PCDHGB6: variants seen among roughly 807,000 people sequenced by gnomAD.
PCDHGB6 encodes protocadherin gamma subfamily B, 6.
PCDHGB6 carries 51 observed loss-of-function variants against 59.1 expected under a neutral mutation model. The ratio of observed to expected loss-of-function variants is 0.86; its 90% confidence interval spans 0.69 to 1.09. The LOEUF (loss-of-function observed/expected upper bound fraction) is 1.09. Among genes scored for constraint, PCDHGB6 ranks in the 50% least tolerant of loss-of-function variants. The probability of loss-of-function intolerance (pLI) is 0.00; values close to 1 mark genes in which losing one functional copy is unlikely to be tolerated. For synonymous variants in PCDHGB6, 466 were observed against 495.1 expected, an observed-to-expected ratio of 0.94 and a Z score of 0.78; for missense variants, 1,148 against 1,205.1, an observed-to-expected ratio of 0.95 and a Z score of 0.70.
chr5:141,414,457 G>A (rs1319960665), intron 1 of PCDHGB6: 7 of 1,613,872 alleles, frequency 4.3e-6, no homozygotes, highest in Non-Finnish European at 5.9e-6. Flanking sequence ...CACAGTGACA[G>A]CCACAGATGG....
At chr5:141,441,742 T>C in intron 1 of PCDHGB6, 1 of 367,312 alleles carries the variant, frequency 2.7e-6, no homozygotes, top group Non-Finnish European at 5.4e-6. Context: ...TAGCTCGCGC[T>C]CGGCGTCAAC....
chr5:141,408,559 C>T lies in PCDHGB6; in HGVS notation c.357C>T (p.Val119=), dbSNP rs1490844526. The change falls in exon 1 of 4, where the codon GTC becomes GTT. Residue 119 remains valine (V), a synonymous_variant. Coordinates refer to ENST00000520790, the MANE Select transcript of PCDHGB6 (RefSeq NM_018926.3). ...VVENPLNIFH[V]IVVIEDVNDH... ...AAAATCCTTTAAATATTTTTCATGT[C>T]ATTGTGGTGATTGAGGATGTTAATG... The T allele has an allele frequency of 1.9e-6, 3 of 1,614,000 alleles. No individual in the cohort carries two copies. The highest frequency in any genetic ancestry group is 2.5e-6 in the Non-Finnish European group (3 of 1,179,894).
At chr5:141,468,737 G>A (rs1288031024) in intron 1 of PCDHGB6, among the ~76,000 whole-genome samples, 1 of 151,948 alleles carries the variant, frequency 6.6e-6, no homozygotes, top group African/African-American at 2.4e-5. Context: ...GTGGTGGCGG[G>A]TGCCTGTAGT....
intron 3 of PCDHGB6, chr5:141,508,084 T>A (rs1422530110): frequency 6.6e-6 from 1 of 152,432 alleles, no homozygotes; most frequent in East Asian, 1.9e-4. Flanking sequence ...CTGGAGTTGC[T>A]GCCTTGGCCC....
At chr5:141,415,750 T>TTTG in intron 1 of PCDHGB6, 2 of 1,313,212 alleles carry the variant, frequency 1.5e-6, no homozygotes, top group African/African-American at 1.6e-5. Context: ...GTTTTTTTTT[T>TTTG]TTTTTTTTTT....
chr5:141,422,508 C>T (rs2096653251), intron 1 of PCDHGB6: 1 of 1,613,984 alleles, frequency 6.2e-7, no homozygotes, highest in Non-Finnish European at 8.5e-7. Flanking sequence ...CAGCCACAGA[C>T]CAGGGAAGCC....
At chr5:141,494,648 T>G in intron 1 of PCDHGB6, 159 bp from the exon 2 acceptor site, 1 of 946,506 alleles carries the variant, frequency 1.1e-6, no homozygotes, top group Non-Finnish European at 1.3e-6. Flanking sequence ...ACCTGAGGTG[T>G]ATTTTGTCTT....
chr5:141,498,002 C>T (rs1442305270), intron 2 of PCDHGB6, among the ~76,000 whole-genome samples: 2 of 152,178 alleles, frequency 1.3e-5, no homozygotes, highest in East Asian at 1.9e-4. Flanking sequence ...AAGGAGTTTA[C>T]AGTGCACTGA....
At chr5:141,428,532 C>T (rs1561836699) in intron 1 of PCDHGB6, 7 of 277,518 alleles carry the variant, frequency 2.5e-5, no homozygotes, top group Non-Finnish European at 5.0e-5. Context: ...TTAATTTTCT[C>T]ACCATGACAC....
At chr5:141,453,370 G>A (rs969698165) in intron 1 of PCDHGB6, among the ~76,000 whole-genome samples, 1 of 152,046 alleles carries the variant, frequency 6.6e-6, no homozygotes, top group Non-Finnish European at 1.5e-5. Context: ...CTGGGGTCAA[G>A]TGATCCTCCT....
At chr5:141,460,411 T>TG (rs2098988114) in intron 1 of PCDHGB6, among the ~76,000 whole-genome samples, 1 of 152,212 alleles carries the variant, frequency 6.6e-6, no homozygotes, top group Non-Finnish European at 1.5e-5. Context: ...TTTGAGTTGA[T>TG]GTTTATGTAT....
At position 141,511,124 on chromosome 5, in the gene PCDHGB6, C is replaced by G; in HGVS notation, c.2744C>G (p.Ala915Gly). 1.9e-6 allele frequency: 3 copies of G among 1,614,206 alleles called. No individual in the cohort carries two copies. Among genetic ancestry groups the G allele is most frequent in the Non-Finnish European group, 2.5e-6 (3 of 1,180,022 alleles). The change falls in exon 4 of 4, where the codon GCA (alanine) becomes GGA (glycine). Residue 915 changes from alanine to glycine, a missense_variant. Transcript: ENST00000520790. ...AAGKRDGKAP[A>G]GGNGNKKKSG... ...GGCAAGCGGGATGGCAAGGCCCCAG[C>G]AGGTGGCAATGGCAACAAGAAGAAG...
At chr5:141,496,011 T>G (rs1232125559) in intron 2 of PCDHGB6, among the ~76,000 whole-genome samples, 1 of 152,114 alleles carries the variant, frequency 6.6e-6, no homozygotes, top group African/African-American at 2.4e-5. Flanking sequence ...ATCTTGTCTT[T>G]TTTCTCTGAG....
At chr5:141,510,910 A>T (rs780792326) in intron 3 of PCDHGB6, 37 bp from the exon 4 acceptor site, 1 of 1,613,740 alleles carries the variant, frequency 6.2e-7, no homozygotes, top group East Asian at 2.2e-5. Flanking sequence ...GAGGACCCTA[A>T]GTTTAGCTCC....
At chr5:141,428,189 C>G in intron 1 of PCDHGB6, 1 of 1,429,262 alleles carries the variant, frequency 7.0e-7, no homozygotes, top group African/African-American at 1.4e-5. Flanking sequence ...ACAGCCGCCG[C>G]TCTCTGCGCC....
In PCDHGB6 at chr5:141,489,053, G is replaced by C; in HGVS notation, c.2419-5754G>C. 1 of 473,650 alleles carries C rather than the reference G, an allele frequency of 2.1e-6. No homozygotes were observed. Among genetic ancestry groups the C allele is most frequent in the Non-Finnish European group, 3.7e-6 (1 of 270,732 alleles). The allele number at this position is 473,650 out of a possible 1,614,324, so 29.3% of individuals were successfully genotyped here. A position where few individuals can be genotyped will look rare whatever the true frequency, so the allele number is the denominator to read the frequency against. On this transcript the variant is annotated intron_variant, in intron 1 of 3. Transcript: ENST00000520790. The surrounding 1 kb of genome is among the most constrained non-coding windows in gnomAD (Gnocchi z 4.5). ...AGCTCCCCAGCTCCACTCAAATTCA[G>C]CTCCCCTCCCCCCTGCCCACCCCCG...
intron 1 of PCDHGB6, among the ~76,000 whole-genome samples, chr5:141,457,698 G>C (rs1008393847): frequency 7.9e-5 from 12 of 152,234 alleles, no homozygotes; most frequent in Admixed American, 5.2e-4. Flanking sequence ...GATTGGCTTT[G>C]ATGAAACACT....
chr5:141,487,404 C>A lies in PCDHGB6; in HGVS notation c.2419-7403C>A, dbSNP rs771371344. 1.2e-6 allele frequency: 2 copies of A among 1,614,178 alleles called. No homozygotes were observed. Among genetic ancestry groups the A allele is most frequent in the Non-Finnish European group, 1.7e-6 (2 of 1,180,032 alleles). ...AGATCTCGAAGGAGGGAGGGGCTTC[C>A]CCCTTCCAATGGGATCCTCCGAATC... is the stretch of plus-strand genomic sequence containing the variant. On this transcript the variant is annotated intron_variant, in intron 1 of 3. Coordinates refer to ENST00000520790, the MANE Select transcript of PCDHGB6 (RefSeq NM_018926.3). The surrounding 1 kb of genome is among the most constrained non-coding windows in gnomAD (Gnocchi z 5.0).
At chr5:141,450,832 T>TTA (rs764784095) in intron 1 of PCDHGB6, among the ~76,000 whole-genome samples, 6,304 of 142,274 alleles carry the variant, frequency 0.044, 222 homozygotes, top group African/African-American at 0.11. Context: ...TATTATTATT[T>TTA]TTTTTTTTTT....
Sources: allele counts gnomAD v4.1 joint callset (sites outside exome capture counted in the v4.1 genomes callset), GRCh38; gene constraint gnomAD v4.1.1; non-coding constraint Gnocchi (gnomAD v3.1); transcripts MANE v1.5; gene names NCBI Gene and HGNC (gene_info 2026-07-23, HGNC 2026-07-21).